Variants in TBC1D19 observed in about 807,000 individuals in gnomAD.
The protein encoded by TBC1D19 is TBC1 domain family member 19, also known as TBC1 domain family, member 19.
Under a neutral mutation model 89.0 loss-of-function variants are expected in TBC1D19, and 60 were observed. That is an observed-to-expected ratio of 0.67 (90% confidence interval 0.55 to 0.84). The LOEUF is 0.84. TBC1D19 is among the 40% of genes least tolerant of loss of function. The pLI is 0.00. For missense variants in TBC1D19, 500 were observed against 610.8 expected (o/e 0.82, Z 1.91); for synonymous variants, 189 against 199.7 (o/e 0.95, Z 0.45).
chr4:26,790,381 G>A, the TBC1D19 span, among the ~76,000 whole-genome samples: 1 of 152,118 alleles, frequency 6.6e-6, no homozygotes, highest in Non-Finnish European at 1.5e-5. Context: ...ATTTTATTGT[G>A]TTAAGATACT....
intron 8 of TBC1D19, among the ~76,000 whole-genome samples, chr4:26,665,272 T>A (rs2109089512): frequency 6.6e-6 from 1 of 152,246 alleles, no homozygotes; most frequent in African/African-American, 2.4e-5. Flanking sequence ...TATGTGTATG[T>A]TAGGCTGAAT....
chr4:26,641,421 G>A (rs1253440996), intron 7 of TBC1D19, among the ~76,000 whole-genome samples: 1 of 152,098 alleles, frequency 6.6e-6, no homozygotes, highest in Admixed American at 6.6e-5. Context: ...CCCATCTGTA[G>A]GTCACCATCA....
At chr4:26,770,532 C>T in the TBC1D19 span, among the ~76,000 whole-genome samples, 1 of 151,866 alleles carries the variant, frequency 6.6e-6, no homozygotes, top group Non-Finnish European at 1.5e-5. Context: ...GATTTTTCTA[C>T]CTATTCCACC....
chr4:26,811,481 C>T, the TBC1D19 span, among the ~76,000 whole-genome samples: 77 of 119,336 alleles, frequency 6.5e-4, no homozygotes, highest in African/African-American at 3.0e-3. Flanking sequence ...TTGGAGGTGA[C>T]GAGGAGCATG....
intron 8 of TBC1D19, among the ~76,000 whole-genome samples, chr4:26,661,124 C>G (rs928430035): frequency 6.6e-6 from 1 of 152,110 alleles, no homozygotes; most frequent in African/African-American, 2.4e-5. Context: ...CATCACCATG[C>G]CTACTCAGAT....
At chr4:26,634,386 A>G (rs953828181) in intron 4 of TBC1D19, among the ~76,000 whole-genome samples, 9 of 152,126 alleles carry the variant, frequency 5.9e-5, no homozygotes, top group African/African-American at 1.4e-4. Flanking sequence ...GCGAGAGATC[A>G]CTTTTTACTG....
the TBC1D19 span, among the ~76,000 whole-genome samples, chr4:26,844,137 C>A: frequency 0.37 from 56,745 of 152,032 alleles, 11,281 homozygotes; most frequent in African/African-American, 0.52. Flanking sequence ...GTCTTCATAT[C>A]TTGATTCCAT....
chr4:26,666,492 T>G, intron 9 of TBC1D19, 87 bp downstream of exon 9: 1 of 1,100,214 alleles, frequency 9.1e-7, no homozygotes, highest in East Asian at 2.5e-5. Flanking sequence ...AATCTAGCAA[T>G]TTTTTTATAT....
At chr4:26,715,243 C>G (rs965593011) in intron 13 of TBC1D19, among the ~76,000 whole-genome samples, 1 of 152,076 alleles carries the variant, frequency 6.6e-6, no homozygotes, top group African/African-American at 2.4e-5. Flanking sequence ...GCCACTTTCC[C>G]TGTCTCAGTT....
rs1373865280 is a variant in TBC1D19, at chr4:26,756,176, TCCATGATTGATTCTTAATAAACC to T, written c.*1234_*1256del. 6.6e-6 allele frequency among the ~76,000 whole-genome samples: 1 copy of T among 152,202 alleles called. No homozygotes were observed. Among genetic ancestry groups the T allele is most frequent in the Non-Finnish European group, 1.5e-5 (1 of 68,032 alleles). The stretch of plus-strand genomic sequence containing the variant: ...TACTAAGAGCTGAATAATAATTTAT[TCCATGATTGATTCTTAATAAACC>T]CCATTTTATTGCTTTTGAAGGTGAT... On this transcript the variant is annotated 3_prime_UTR_variant, in exon 21 of 21. Transcript: ENST00000264866.
At chr4:26,706,165 G>A (rs1715726962) in intron 13 of TBC1D19, among the ~76,000 whole-genome samples, 1 of 152,096 alleles carries the variant, frequency 6.6e-6, no homozygotes, top group African/African-American at 2.4e-5. Flanking sequence ...CAGGACCAAG[G>A]CTTTTCTTTG....
intron 15 of TBC1D19, among the ~76,000 whole-genome samples, chr4:26,724,370 T>A (rs1487302232): frequency 2.6e-5 from 4 of 152,210 alleles, no homozygotes; most frequent in Non-Finnish European, 4.4e-5. Flanking sequence ...GAAAATGGAA[T>A]AATTTGAATA....
chr4:26,734,990 A>ATATATGTATACACATATGTATATGTG (rs1560503880), intron 15 of TBC1D19, among the ~76,000 whole-genome samples: 2 of 78,812 alleles, frequency 2.5e-5, no homozygotes, highest in Non-Finnish European at 6.3e-5. Flanking sequence ...ATGTATATGT[A>ATATATGTATACACATATGTATATGTG]TATATGTATA....
chr4:26,722,201 A>G (rs544478420), intron 15 of TBC1D19, among the ~76,000 whole-genome samples: 1 of 152,252 alleles, frequency 6.6e-6, no homozygotes, highest in Admixed American at 6.5e-5. Context: ...TTAACTTTAT[A>G]TATTACCATT....
intron 3 of TBC1D19, among the ~76,000 whole-genome samples, chr4:26,620,000 A>T (rs1741938561): frequency 6.6e-6 from 1 of 152,180 alleles, no homozygotes; most frequent in South Asian, 2.1e-4. Flanking sequence ...TGTGAAATGG[A>T]TTGGAATCTC....
intron 1 of TBC1D19, among the ~76,000 whole-genome samples, chr4:26,589,218 C>T (rs933202304): frequency 7.9e-5 from 12 of 151,976 alleles, no homozygotes; most frequent in Admixed American, 7.2e-4. Flanking sequence ...GAGGTTGCAG[C>T]GAGCCAAGAT....
chr4:26,665,470 A>G (rs975427046), intron 8 of TBC1D19, among the ~76,000 whole-genome samples: 1 of 152,122 alleles, frequency 6.6e-6, no homozygotes, highest in Non-Finnish European at 1.5e-5. Context: ...AATGTGAATA[A>G]TGTGAGGTTT....
intron 15 of TBC1D19, 33 bp from the exon 16 acceptor site, chr4:26,735,416 CCTACTA>C: frequency 6.8e-7 from 1 of 1,463,364 alleles, no homozygotes; most frequent in South Asian, 1.3e-5. Context: ...AATCAGTAGG[CCTACTA>C]CTTATTGAAA....
At chr4:26,762,715 G>T in the TBC1D19 span, among the ~76,000 whole-genome samples, 1 of 152,112 alleles carries the variant, frequency 6.6e-6, no homozygotes, top group Non-Finnish European at 1.5e-5. Context: ...TTATCAGGTG[G>T]GCCCAATGTA....
Sources: allele counts gnomAD v4.1 joint callset (sites outside exome capture counted in the v4.1 genomes callset), GRCh38; gene constraint gnomAD v4.1.1; transcripts MANE v1.5; gene names NCBI Gene and HGNC (gene_info 2026-07-23, HGNC 2026-07-21).